GRM7: variants seen among roughly 807,000 people sequenced by gnomAD.
The protein encoded by GRM7 is metabotropic glutamate receptor 7.
Under a neutral mutation model 84.5 loss-of-function variants are expected in GRM7, and 35 were observed. The observed-to-expected ratio is 0.41, with a 90% confidence interval of 0.32 to 0.55. The LOEUF is 0.55. Ranked by LOEUF, GRM7 falls within the 20% of genes least tolerant of loss-of-function variation. GRM7 has a pLI of 0.19. For synonymous variants in GRM7, 487 were observed against 455.1 expected, an observed-to-expected ratio of 1.07 and a Z score of -0.89; for missense variants, 1,003 against 1,194.6, an observed-to-expected ratio of 0.84 and a Z score of 2.36.
At chr3:7,553,986 T>TG (rs1481094241) in intron 7 of GRM7, among the ~76,000 whole-genome samples, 2 of 152,108 alleles carry the variant, frequency 1.3e-5, no homozygotes, top group Non-Finnish European at 2.9e-5. Context: ...ACTCAACTAA[T>TG]GGGGGGTAGC....
At chr3:7,453,669 T>C (rs1446420780) in intron 6 of GRM7, among the ~76,000 whole-genome samples, 1 of 152,114 alleles carries the variant, frequency 6.6e-6, no homozygotes, top group Non-Finnish European at 1.5e-5. Context: ...TTGCTCACTT[T>C]CCTGTCAGCC....
chr3:7,028,797 C>T (rs1696074552), intron 1 of GRM7, among the ~76,000 whole-genome samples: 1 of 152,138 alleles, frequency 6.6e-6, no homozygotes, highest in East Asian at 1.9e-4. Context: ...AAAAGACTGA[C>T]CACACCAAGT....
intron 9 of GRM7, among the ~76,000 whole-genome samples, chr3:7,699,254 C>T (rs534893333): frequency 3.3e-5 from 5 of 152,240 alleles, no homozygotes; most frequent in African/African-American, 7.2e-5. Context: ...AAAGCTCTGT[C>T]ATCAGACCCC....
intron 1 of GRM7, among the ~76,000 whole-genome samples, chr3:7,110,341 C>T (rs1409898840): frequency 2.0e-5 from 3 of 152,168 alleles, no homozygotes; most frequent in East Asian, 1.9e-4. Flanking sequence ...TGGCTCATGC[C>T]AGTAATCCCA....
At chr3:7,612,561 C>T (rs1481993242) in intron 8 of GRM7, among the ~76,000 whole-genome samples, 1 of 152,144 alleles carries the variant, frequency 6.6e-6, no homozygotes, top group South Asian at 2.1e-4. Flanking sequence ...ATATATTTTA[C>T]TTGGAGAAGA....
At chr3:7,642,796 T>C (rs1400478464) in intron 8 of GRM7, among the ~76,000 whole-genome samples, 3 of 152,146 alleles carry the variant, frequency 2.0e-5, no homozygotes, top group African/African-American at 7.2e-5. Context: ...TCAGTAAATA[T>C]TTGATGAATA....
At chr3:7,702,812 G>A (rs1482821948) in intron 9 of GRM7, among the ~76,000 whole-genome samples, 2 of 152,082 alleles carry the variant, frequency 1.3e-5, no homozygotes, top group Non-Finnish European at 2.9e-5. Context: ...CAACTTATTG[G>A]AACAGTCTCA....
At position 6,861,967 on chromosome 3, in the gene GRM7, A is replaced by C; in HGVS notation, c.519+60A>C. On this transcript the variant is annotated intron_variant, in intron 1 of 9. Transcript: ENST00000357716. The surrounding 1 kb of genome is among the most constrained non-coding windows in gnomAD (Gnocchi z 6.4). ...GTGGCTACCTGCGCCCTTAACCCTA[A>C]AAGCTGGCTTGGACTCCGGTGGTGC... The C allele has an allele frequency of 6.9e-7, 1 of 1,448,356 alleles. No homozygotes were observed. The highest frequency in any genetic ancestry group is 9.4e-7 in the Non-Finnish European group (1 of 1,059,064). 89.7% of individuals were successfully genotyped at this position (1,448,356 alleles called of 1,614,324 possible).
rs182227038 is a variant in GRM7 at position 7,180,959 on chromosome 3, C to G, written c.736+34291C>G. Among the ~76,000 whole-genome samples the G allele has an allele frequency of 6.6e-5, 10 of 152,238 alleles. No homozygotes were observed. In the South Asian group the frequency reaches 1.0e-3, roughly 16 times the overall value. On this transcript the variant is annotated intron_variant, in intron 2 of 9. Coordinates refer to ENST00000357716, the MANE Select transcript of GRM7 (RefSeq NM_000844.4). The stretch of plus-strand genomic sequence containing the variant: ...CCTCCCTTTCTAGAAAGTCATTTTA[C>G]TTTGGAATTGGGTAAAACATCCCAT...
intron 8 of GRM7, among the ~76,000 whole-genome samples, chr3:7,617,609 A>T (rs561016421): frequency 2.0e-4 from 30 of 152,284 alleles, no homozygotes; most frequent in African/African-American, 7.0e-4. Flanking sequence ...AAATACAAAG[A>T]ATTCCTGCAA....
intron 2 of GRM7, among the ~76,000 whole-genome samples, chr3:7,243,307 T>C (rs1195204893): frequency 1.3e-5 from 2 of 152,078 alleles, no homozygotes; most frequent in African/African-American, 2.4e-5. Context: ...CCTTATACAA[T>C]ATAGGTAAGG....
chr3:7,455,894 C>T lies in GRM7; in HGVS notation c.1375+3087C>T, dbSNP rs1697988346. 2.0e-5 allele frequency among the ~76,000 whole-genome samples: 3 copies of T among 152,022 alleles called. No individual in the cohort carries two copies. In the South Asian group the frequency reaches 6.2e-4, roughly 32 times the overall value. On this transcript the variant is annotated intron_variant, in intron 6 of 9. Transcript: ENST00000357716. ...CTTTACTTTTTTCTCTTAATAACAACTCATTTAAAACGCACAACATTGTAT... is the reference window on the plus strand; with the variant it reads ...CTTTACTTTTTTCTCTTAATAACAATTCATTTAAAACGCACAACATTGTAT...
At chr3:7,452,904 G>A (rs139571456) in intron 6 of GRM7, 97 bp downstream of exon 6, 4 of 735,280 alleles carry the variant, frequency 5.4e-6, no homozygotes, top group Admixed American at 2.7e-5. Context: ...TAAAATATGT[G>A]TCAAAACTTG....
At chr3:7,544,692 G>A (rs758577760) in intron 7 of GRM7, among the ~76,000 whole-genome samples, 2 of 152,126 alleles carry the variant, frequency 1.3e-5, no homozygotes, top group African/African-American at 4.8e-5. Flanking sequence ...TAATAATCAT[G>A]CTATTTTTAT....
intron 8 of GRM7, among the ~76,000 whole-genome samples, chr3:7,645,313 C>T (rs1034829233): frequency 6.6e-6 from 1 of 151,934 alleles, no homozygotes; most frequent in Admixed American, 6.6e-5. Context: ...CTTTGGGAGG[C>T]CAAGGCGGGC....
intron 7 of GRM7, among the ~76,000 whole-genome samples, chr3:7,480,234 A>C (rs1205239669): frequency 1.3e-5 from 2 of 152,202 alleles, no homozygotes; most frequent in East Asian, 3.9e-4. Flanking sequence ...TAGGCCCCTC[A>C]AGATAGAAGA....
At chr3:7,662,865 G>C (rs1443446194) in intron 8 of GRM7, among the ~76,000 whole-genome samples, 3 of 152,078 alleles carry the variant, frequency 2.0e-5, no homozygotes, top group African/African-American at 4.8e-5. Context: ...CATGTATCTA[G>C]GCACAAAAAG....
intron 1 of GRM7, among the ~76,000 whole-genome samples, chr3:6,967,519 G>A (rs1348096897): frequency 2.6e-5 from 4 of 152,184 alleles, no homozygotes; most frequent in African/African-American, 7.2e-5. Context: ...TACCCTAATC[G>A]GCTCTGTTGT....
intron 2 of GRM7, among the ~76,000 whole-genome samples, chr3:7,259,755 C>T (rs1474609034): frequency 6.6e-6 from 1 of 152,084 alleles, no homozygotes; most frequent in African/African-American, 2.4e-5. Flanking sequence ...ACATATGCAG[C>T]ATGCTTGTGT....
Sources: gnomAD v4.1 joint callset for allele counts (sites outside exome capture counted in the v4.1 genomes callset) on GRCh38, gnomAD v4.1.1 for gene constraint, Gnocchi (gnomAD v3.1) non-coding constraint, MANE v1.5 for transcripts, NCBI Gene and HGNC (gene_info 2026-07-23, HGNC 2026-07-21) for gene names.